Variants in DLG2 observed in about 807,000 individuals in gnomAD.
DLG2 encodes the protein disks large homolog 2.
DLG2 carries 45 observed loss-of-function variants against 132.5 expected under a neutral mutation model. The observed-to-expected ratio is 0.34, with a 90% CI of 0.27 to 0.44. The LOEUF is 0.44. Among genes scored for constraint, DLG2 ranks in the 20% least tolerant of loss-of-function variants. The pLI is 1.00. For missense variants in DLG2, 1,045 were observed against 1,196.9 expected, an observed-to-expected ratio of 0.87 and a Z score of 1.87; for synonymous variants, 424 against 419.6, an observed-to-expected ratio of 1.01 and a Z score of -0.13.
chr11:83,633,424 T>C, intron 18 of DLG2, 99 bp from the exon 19 acceptor site: 1 of 904,098 alleles, frequency 1.1e-6, no homozygotes, highest in Non-Finnish European at 1.8e-6. Context: ...TGTTGGTTCC[T>C]TTGCCAAACA....
At chr11:83,751,205 T>G (rs2093283981) in intron 18 of DLG2, among the ~76,000 whole-genome samples, 1 of 152,196 alleles carries the variant, frequency 6.6e-6, no homozygotes, top group African/African-American at 2.4e-5. Flanking sequence ...AATAACATTC[T>G]TGGCTAGAGA....
intron 6 of DLG2, among the ~76,000 whole-genome samples, chr11:85,026,384 A>G (rs1254710026): frequency 1.3e-5 from 2 of 152,208 alleles, no homozygotes; most frequent in Non-Finnish European, 2.9e-5. Flanking sequence ...TAAAATATGA[A>G]GACTTTTTCA....
At chr11:83,593,515 G>C (rs1242481542) in intron 19 of DLG2, among the ~76,000 whole-genome samples, 2 of 151,754 alleles carry the variant, frequency 1.3e-5, no homozygotes, top group African/African-American at 4.8e-5. Flanking sequence ...GAGGGGGGAG[G>C]GATAGCATTG....
chr11:84,126,600 C>T (rs929465681), intron 9 of DLG2, among the ~76,000 whole-genome samples: 1 of 151,822 alleles, frequency 6.6e-6, no homozygotes, highest in Admixed American at 6.6e-5. Context: ...GTATATATAT[C>T]GATTTCAGAA....
At chr11:83,644,470 T>C (rs1283148839) in intron 18 of DLG2, among the ~76,000 whole-genome samples, 2 of 152,158 alleles carry the variant, frequency 1.3e-5, no homozygotes, top group Non-Finnish European at 2.9e-5. Context: ...TAATTATCTA[T>C]TTCTGAATCC....
chr11:84,193,924 G>C (rs1178892805), intron 8 of DLG2, among the ~76,000 whole-genome samples: 1 of 152,104 alleles, frequency 6.6e-6, no homozygotes. Flanking sequence ...CATTACCACA[G>C]AATCATCAAC....
chr11:84,224,470 G>A lies in DLG2; in HGVS notation c.573+26768C>T, dbSNP rs954304167. Reference sequence around the variant, plus strand: ...AAAAGATAAATGGTCTTGCAGCTGTGTACATCATTTCCTAGGAATTGGCTG... The same window carrying A: ...AAAAGATAAATGGTCTTGCAGCTGTATACATCATTTCCTAGGAATTGGCTG... On this transcript the variant is annotated intron_variant, in intron 8 of 27. Transcript: ENST00000376104. 6.6e-5 allele frequency among the ~76,000 whole-genome samples: 10 copies of A among 152,198 alleles called. No homozygotes were observed. The South Asian group carries it at 1.4e-3, about 22-fold the overall frequency.
intron 3 of DLG2, among the ~76,000 whole-genome samples, chr11:85,418,419 T>C (rs150404195): frequency 1.7e-4 from 26 of 152,318 alleles, no homozygotes; most frequent in African/African-American, 5.3e-4. Context: ...GTATATTCTG[T>C]TGATTTGGGG....
At chr11:84,924,925 A>T (rs2092921360) in intron 6 of DLG2, among the ~76,000 whole-genome samples, 1 of 152,174 alleles carries the variant, frequency 6.6e-6, no homozygotes, top group Non-Finnish European at 1.5e-5. Context: ...TGCAAAACTG[A>T]GTATTTCAGT....
intron 2 of DLG2, among the ~76,000 whole-genome samples, chr11:85,613,660 A>G (rs1383939813): frequency 6.6e-6 from 1 of 152,218 alleles, no homozygotes; most frequent in Non-Finnish European, 1.5e-5. Flanking sequence ...CGGACCAATC[A>G]GCACTCTGTA....
chr11:83,778,558 A>C (rs958761679), intron 18 of DLG2, among the ~76,000 whole-genome samples: 1 of 152,168 alleles, frequency 6.6e-6, no homozygotes, highest in Non-Finnish European at 1.5e-5. Flanking sequence ...AGAGGAGGTT[A>C]TATCTATTAT....
At chr11:83,612,736 T>C (rs928407497) in intron 19 of DLG2, among the ~76,000 whole-genome samples, 12 of 151,942 alleles carry the variant, frequency 7.9e-5, no homozygotes, top group African/African-American at 2.9e-4. Flanking sequence ...AAGAACCCCA[T>C]AAACTGAATG....
intron 18 of DLG2, among the ~76,000 whole-genome samples, chr11:83,659,406 T>C (rs890328968): frequency 6.6e-6 from 1 of 152,188 alleles, no homozygotes; most frequent in Non-Finnish European, 1.5e-5. Flanking sequence ...ACATAAAGCA[T>C]ACAATTGCAC....
intron 6 of DLG2, among the ~76,000 whole-genome samples, chr11:85,106,034 A>G (rs1244985677): frequency 6.6e-6 from 1 of 151,850 alleles, no homozygotes; most frequent in Non-Finnish European, 1.5e-5. Context: ...AGAATAGCTT[A>G]TGCACACTGT....
chr11:85,231,646 C>T (rs1010598861), intron 4 of DLG2, among the ~76,000 whole-genome samples: 1 of 151,724 alleles, frequency 6.6e-6, no homozygotes, highest in African/African-American at 2.4e-5. Flanking sequence ...ATCAGAGTGA[C>T]GAGTTTCATT....
intron 11 of DLG2, among the ~76,000 whole-genome samples, chr11:84,024,763 G>T (rs2095492935): frequency 6.6e-6 from 1 of 151,670 alleles, no homozygotes; most frequent in Non-Finnish European, 1.5e-5. Flanking sequence ...GGAGAATGAG[G>T]AGATGATGGT....
At chr11:83,470,071 AAT>A (rs1324690850) in intron 24 of DLG2, among the ~76,000 whole-genome samples, 2 of 152,102 alleles carry the variant, frequency 1.3e-5, no homozygotes, top group Non-Finnish European at 2.9e-5. Context: ...TTTTCCTAGA[AAT>A]ATGTTTTTAA....
At chr11:83,644,597 A>AGAAAAAT (rs2067572619) in intron 18 of DLG2, among the ~76,000 whole-genome samples, 1 of 152,126 alleles carries the variant, frequency 6.6e-6, no homozygotes, top group South Asian at 2.1e-4. Context: ...TTATGCAGCC[A>AGAAAAAT]GAAAAATCAC....
At chr11:84,388,821 C>T (rs2098781618) in intron 7 of DLG2, among the ~76,000 whole-genome samples, 2 of 152,132 alleles carry the variant, frequency 1.3e-5, no homozygotes, top group South Asian at 4.2e-4. Context: ...TATTTATAAT[C>T]ATAAAAAATC....
Sources: gnomAD v4.1 joint callset for allele counts (sites outside exome capture counted in the v4.1 genomes callset) on GRCh38, gnomAD v4.1.1 for gene constraint, MANE v1.5 for transcripts, NCBI Gene and HGNC (gene_info 2026-07-23, HGNC 2026-07-21) for gene names.